Variants in FGF17 observed in about 807,000 individuals in gnomAD.
FGF17 encodes the protein fibroblast growth factor 17.
FGF17 carries 5 observed loss-of-function variants against 23.5 expected under a neutral mutation model. That is an observed-to-expected ratio of 0.21 (90% confidence interval 0.11 to 0.45). The LOEUF (loss-of-function observed/expected upper bound fraction) is 0.45. FGF17 is among the 20% of genes least tolerant of loss of function. The pLI, the probability that FGF17 is intolerant of heterozygous loss-of-function variation, is 0.99. For synonymous variants in FGF17, 136 were observed against 123.0 expected (o/e 1.11, Z -0.70); for missense variants, 221 against 306.9 (o/e 0.72, Z 2.09).
At chr8:22,044,609 C>A (rs1025148687) in intron 2 of FGF17, 1 of 874,648 alleles carries the variant, frequency 1.1e-6, no homozygotes, top group Non-Finnish European at 1.4e-6. Context: ...ATAGGCAGGA[C>A]CCCACCCCCT....
chr8:22,043,240 G>A, intron 2 of FGF17, 59 bp downstream of exon 2: 1 of 1,563,374 alleles, frequency 6.4e-7, no homozygotes, highest in South Asian at 1.1e-5. Context: ...GACCAGGGCG[G>A]GTGCAAGGGA....
Position 22,047,890 on chromosome 8 carries a change from G to A in FGF17, c.358-66G>A, listed in dbSNP as rs765593047. The A allele has an allele frequency of 5.8e-4, 871 of 1,511,238 alleles. 7 individuals carry two copies. The highest frequency in any genetic ancestry group is 1.9e-4 in the Admixed American group (10 of 52,348). 93.6% of individuals were successfully genotyped at this position (1,511,238 alleles called of 1,614,324 possible). A position where few individuals can be genotyped will look rare whatever the true frequency, so the allele number is the denominator to read the frequency against. ...CCTCCTCAGTCGTCCAAAATAGGCC[G>A]TAAGGGCGACACCCCAGACCAGGGT... is the stretch of plus-strand genomic sequence containing the variant. On this transcript the variant is annotated intron_variant, in intron 4 of 4. Coordinates refer to ENST00000359441, the MANE Select transcript of FGF17 (RefSeq NM_003867.4).
At chr8:22,044,834 A>G (rs922340365) in intron 2 of FGF17, 5 of 985,408 alleles carry the variant, frequency 5.1e-6, no homozygotes, top group Admixed American at 6.2e-5. Context: ...CTCAAAGGTG[A>G]TATTTCCCAC....
At chr8:22,045,107 C>T (rs1563364148) in intron 2 of FGF17, 1 of 985,552 alleles carries the variant, frequency 1.0e-6, no homozygotes, top group Non-Finnish European at 1.2e-6. Context: ...GGAAGAAGTA[C>T]TCAGTCTCTC....
upstream of FGF17, among the ~76,000 whole-genome samples, chr8:22,041,842 G>A (rs915854482): frequency 6.6e-6 from 1 of 152,216 alleles, no homozygotes; most frequent in Non-Finnish European, 1.5e-5. Flanking sequence ...GTACCGAGCA[G>A]TATGAGACCG....
chr8:22,042,500 C>T, upstream of FGF17: 1 of 257,822 alleles, frequency 3.9e-6, no homozygotes, highest in South Asian at 6.3e-5. Flanking sequence ...CTCCCCCTCC[C>T]TGACCTGCCA....
intron 2 of FGF17, among the ~76,000 whole-genome samples, chr8:22,044,374 C>A (rs1412522397): frequency 2.6e-5 from 4 of 151,546 alleles, no homozygotes; most frequent in Admixed American, 2.0e-4. Context: ...CCTCCCGCAG[C>A]GGGAACATGA....
intron 2 of FGF17, 128 bp from the exon 3 acceptor site, chr8:22,045,986 C>T (rs1251768266): frequency 4.4e-6 from 7 of 1,576,526 alleles, no homozygotes; most frequent in Admixed American, 1.9e-5. Flanking sequence ...GCCATATGCC[C>T]ACTTCACTCT....
intron 2 of FGF17, chr8:22,045,632 G>A: frequency 9.4e-7 from 1 of 1,058,852 alleles, no homozygotes; most frequent in East Asian, 8.2e-5. Context: ...CGTGTGCTGG[G>A]CAAGGGGTCT....
intron 2 of FGF17, chr8:22,044,836 A>G (rs1040701862): frequency 1.0e-5 from 10 of 985,428 alleles, no homozygotes; most frequent in Middle Eastern, 5.2e-4. Context: ...CAAAGGTGAT[A>G]TTTCCCACCC....
Position 22,043,178 on chromosome 8 carries a change from T to A in FGF17, c.69T>A (p.Thr23=), listed in dbSNP as rs1242378508. The A allele has an allele frequency of 1.2e-6, 2 of 1,613,610 alleles. No individual in the cohort carries two copies. Among genetic ancestry groups the A allele is most frequent in the Non-Finnish European group, 1.7e-6 (2 of 1,179,980 alleles). The change falls in exon 2 of 5, where the codon ACT becomes ACA. Residue 23 remains threonine, a synonymous_variant. Transcript: ENST00000359441. ...AGCTGCTGATTCTCTGCTGTCAAAC[T>A]CAGGTAGGCGGGCATTCCCACCGGC... The part of the protein sequence containing the change: ...CLQLLILCCQ[T]QGENHPSPNF...
chr8:22,046,489 C>G, intron 3 of FGF17, 38 bp from the exon 4 acceptor site: 1 of 1,556,194 alleles, frequency 6.4e-7, no homozygotes, highest in South Asian at 1.1e-5. Flanking sequence ...GCCGGCAGCC[C>G]CGATGGACGG....
At chr8:22,043,748 G>C (rs1245238055) in intron 2 of FGF17, among the ~76,000 whole-genome samples, 4 of 69,360 alleles carry the variant, frequency 5.8e-5, no homozygotes, top group African/African-American at 1.7e-4. Context: ...CCCACCCCAA[G>C]TCGGCCCCCC....
intron 2 of FGF17, among the ~76,000 whole-genome samples, chr8:22,044,370 G>A (rs563348649): frequency 2.0e-4 from 31 of 152,160 alleles, no homozygotes; most frequent in Admixed American, 9.2e-4. Context: ...AGGTCCTCCC[G>A]CAGCGGGAAC....
upstream of FGF17, chr8:22,042,688 G>C: frequency 1.7e-6 from 1 of 604,106 alleles, no homozygotes; most frequent in East Asian, 2.7e-5. Context: ...CATCTGCTTT[G>C]CAGCCTCACT....
chr8:22,044,658 C>T, intron 2 of FGF17: 1 of 985,356 alleles, frequency 1.0e-6, no homozygotes, highest in Non-Finnish European at 1.2e-6. Flanking sequence ...GGCAGGTCCC[C>T]CACCCCAAAT....
rs778663329 is a variant in FGF17, at chr8:22,047,961, C to T, written c.363C>T (p.Ser121=). The part of the protein sequence containing the change: ...NKRGKLIGKP[S]GKSKDCVFTE... ...TGTCCTTGCTTCTCCCGCAGCCCAG[C>T]GGGAAGAGCAAAGACTGCGTGTTCA... The change falls in exon 5 of 5, where the codon AGC becomes AGT. Residue 121 remains serine (S), a synonymous_variant. Coordinates refer to ENST00000359441, the MANE Select transcript of FGF17 (RefSeq NM_003867.4). The T allele has an allele frequency of 6.3e-6, 10 of 1,598,628 alleles. No individual in the cohort carries two copies. The highest frequency in any genetic ancestry group is 2.3e-5 in the East Asian group (1 of 44,410).
intron 2 of FGF17, among the ~76,000 whole-genome samples, chr8:22,043,557 C>T (rs1800782291): frequency 6.6e-6 from 1 of 152,150 alleles, no homozygotes; most frequent in Non-Finnish European, 1.5e-5. Flanking sequence ...TGATGCAAGA[C>T]CACTTGTATG....
At chr8:22,044,734 C>A in intron 2 of FGF17, 1 of 985,428 alleles carries the variant, frequency 1.0e-6, no homozygotes, top group Non-Finnish European at 1.2e-6. Flanking sequence ...TGGGGAGGTG[C>A]AATTGGAAAT....
Sources: gnomAD v4.1 joint callset for allele counts (sites outside exome capture counted in the v4.1 genomes callset) on GRCh38, gnomAD v4.1.1 for gene constraint, MANE v1.5 for transcripts, NCBI Gene and HGNC (gene_info 2026-07-23, HGNC 2026-07-21) for gene names.